Variants in SCP2 observed in about 807,000 individuals in gnomAD.
SCP2 encodes the protein SCP-2/3-oxoacyl-CoA thiolase.
Under a neutral mutation model 71.4 loss-of-function variants are expected in SCP2, and 48 were observed. The ratio of observed to expected loss-of-function variants is 0.67; its 90% confidence interval spans 0.53 to 0.86. The LOEUF (loss-of-function observed/expected upper bound fraction) is 0.86. Among genes scored for constraint, SCP2 ranks in the 40% least tolerant of loss-of-function variants. The pLI, the probability that SCP2 is intolerant of heterozygous loss-of-function variation, is 0.00. For missense variants in SCP2, 560 were observed against 655.6 expected (o/e 0.85, Z 1.59); for synonymous variants, 220 against 218.1 (o/e 1.01, Z -0.08).
chr1:52,979,046 A>G (rs1006292175), intron 9 of SCP2, among the ~76,000 whole-genome samples: 4 of 152,254 alleles, frequency 2.6e-5, no homozygotes, highest in East Asian at 3.8e-4. Flanking sequence ...TGATTTTACA[A>G]CAACACTGTG....
chr1:52,985,777 T>C (rs1658933305), intron 10 of SCP2, among the ~76,000 whole-genome samples: 2 of 152,172 alleles, frequency 1.3e-5, no homozygotes, highest in African/African-American at 4.8e-5. Context: ...TTTCAGGGCC[T>C]TTGTTCCAAA....
chr1:53,015,262 G>A (rs182732071), intron 12 of SCP2, among the ~76,000 whole-genome samples: 1 of 152,284 alleles, frequency 6.6e-6, no homozygotes, highest in East Asian at 1.9e-4. Context: ...GGATAGTCAC[G>A]AGAGTACTGA....
rs183946230 is a variant in SCP2, at chr1:52,993,778, C to T, written c.1081+5642C>T. 18 of 1,575,328 alleles carry T rather than the reference C, an allele frequency of 1.1e-5. No homozygotes were observed. In the African/African-American group the frequency reaches 2.2e-4, roughly 19 times the overall value. On this transcript the variant is annotated intron_variant, in intron 11 of 15. Coordinates refer to ENST00000371514, the MANE Select transcript of SCP2 (RefSeq NM_002979.5). ...TGCCTCCTCAATAATATTCCCCTCT[C>T]TCCTCCCCCAGCACCAAGAGGTAAT... is the stretch of plus-strand genomic sequence containing the variant.
chr1:52,936,453 CA>C (rs1165761221), intron 1 of SCP2, among the ~76,000 whole-genome samples: 1 of 152,120 alleles, frequency 6.6e-6, no homozygotes, highest in Admixed American at 6.5e-5. Flanking sequence ...ATAGTTTTGT[CA>C]AAGGGATAGA....
At chr1:53,046,023 T>C (rs1022298664) in intron 14 of SCP2, among the ~76,000 whole-genome samples, 5 of 152,342 alleles carry the variant, frequency 3.3e-5, no homozygotes, top group African/African-American at 1.2e-4. Flanking sequence ...TATTTTATTC[T>C]TTTTTGCTGC....
chr1:52,964,303 G>A (rs560177612), intron 6 of SCP2, among the ~76,000 whole-genome samples: 56 of 149,166 alleles, frequency 3.8e-4, no homozygotes, highest in African/African-American at 1.3e-3. Context: ...CTGGGTTCAC[G>A]CCATTCTTCT....
At chr1:52,940,037 T>C (rs754443692) in intron 1 of SCP2, among the ~76,000 whole-genome samples, 7 of 152,180 alleles carry the variant, frequency 4.6e-5, no homozygotes, top group Non-Finnish European at 8.8e-5. Flanking sequence ...CAGCATTTGA[T>C]GTCAGTGTTT....
chr1:53,017,778 A>G (rs1661434033), intron 12 of SCP2, among the ~76,000 whole-genome samples: 1 of 152,240 alleles, frequency 6.6e-6, no homozygotes, highest in African/African-American at 2.4e-5. Flanking sequence ...AGACAACAAG[A>G]AGCAATACAG....
chr1:53,013,166 A>T (rs924128325), intron 11 of SCP2, among the ~76,000 whole-genome samples: 3 of 126,718 alleles, frequency 2.4e-5, no homozygotes, highest in Non-Finnish European at 3.1e-5. Context: ...GCCCTGCTGG[A>T]GTGCAGTGGC....
intron 11 of SCP2, chr1:52,993,802 A>G: frequency 6.5e-7 from 1 of 1,539,298 alleles, no homozygotes; most frequent in Non-Finnish European, 8.8e-7. Flanking sequence ...CCAAGAGGTA[A>G]TCAATATCCT....
intron 13 of SCP2, among the ~76,000 whole-genome samples, chr1:53,037,904 A>G (rs182652103): frequency 7.0e-4 from 89 of 127,420 alleles, no homozygotes; most frequent in African/African-American, 2.8e-3. Flanking sequence ...ACACACACAC[A>G]CACACACACA....
Position 52,961,628 on chromosome 1 carries a change from T to C in SCP2, c.522T>C (p.Tyr174=). 4 of 1,613,628 alleles carry C rather than the reference T, an allele frequency of 2.5e-6. No individual in the cohort carries two copies. The highest frequency in any genetic ancestry group is 1.3e-5 in the African/African-American group (1 of 75,018). ...GYAGKEHMEK[Y]GTKIEHFAKI... ...CTGGAAAAGAACATATGGAAAAATA[T>C]GGTATGTTACAGTTAAAAAACTTTG... is the stretch of plus-strand genomic sequence containing the variant. Residue 174 remains tyrosine, a splice_region_variant and synonymous_variant, in exon 6 of 16, where the codon TAT becomes TAC. Coordinates refer to ENST00000371514, the MANE Select transcript of SCP2 (RefSeq NM_002979.5).
intron 10 of SCP2, among the ~76,000 whole-genome samples, chr1:52,987,006 A>ATATATATTTTTTTTTTT (rs1386745740): frequency 6.3e-5 from 7 of 110,502 alleles, no homozygotes; most frequent in African/African-American, 2.4e-4. Context: ...ATATATATAT[A>ATATATATTTTTTTTTTT]TTTTTTTTTT....
intron 5 of SCP2, among the ~76,000 whole-genome samples, chr1:52,956,517 A>G (rs748384567): frequency 6.6e-6 from 1 of 152,208 alleles, no homozygotes; most frequent in Non-Finnish European, 1.5e-5. Flanking sequence ...CCCTCTTTAA[A>G]GAATGCCTTT....
chr1:52,927,402 C>G lies in SCP2; in HGVS notation c.6C>G (p.Ser2=). M[S]SSPWEPATLR... ...GGTCCCGCACTGGTGCAGCCATGTC[C>G]TCTTCCCCGTGGGAGCCTGCGACCC... The change falls in exon 1 of 16, where the codon TCC becomes TCG. Residue 2 remains serine, a synonymous_variant. Coordinates refer to ENST00000371514, the MANE Select transcript of SCP2 (RefSeq NM_002979.5). 1 of 1,594,022 alleles carries G rather than the reference C, an allele frequency of 6.3e-7. No individual in the cohort carries two copies. Among genetic ancestry groups the G allele is most frequent in the Non-Finnish European group, 8.5e-7 (1 of 1,171,418 alleles).
intron 6 of SCP2, among the ~76,000 whole-genome samples, chr1:52,969,795 C>T (rs938091646): frequency 1.3e-5 from 2 of 150,952 alleles, no homozygotes; most frequent in Non-Finnish European, 2.9e-5. Flanking sequence ...CACTCCAGCC[C>T]GGGCGGCAGA....
intron 11 of SCP2, 50 bp from the exon 12 acceptor site, chr1:53,014,840 C>T (rs760967573): frequency 6.2e-7 from 1 of 1,604,694 alleles, no homozygotes; most frequent in Non-Finnish European, 8.5e-7. Flanking sequence ...CCTTTTCTGG[C>T]TTGAGAAAGC....
At chr1:52,950,971 T>C in intron 4 of SCP2, 85 bp downstream of exon 4, 2 of 1,474,114 alleles carry the variant, frequency 1.4e-6, no homozygotes, top group South Asian at 1.1e-5. Context: ...TATTTTATAA[T>C]GTATTTGTTT....
At chr1:52,958,935 G>T (rs993308103) in intron 5 of SCP2, among the ~76,000 whole-genome samples, 1 of 152,044 alleles carries the variant, frequency 6.6e-6, no homozygotes, top group African/African-American at 2.4e-5. Flanking sequence ...CCATTGTGCA[G>T]GTTGGTCTTG....
Sources: allele counts gnomAD v4.1 joint callset (sites outside exome capture counted in the v4.1 genomes callset), GRCh38; gene constraint gnomAD v4.1.1; transcripts MANE v1.5; gene names NCBI Gene and HGNC (gene_info 2026-07-23, HGNC 2026-07-21).